ADGRV1: variants seen among roughly 807,000 people sequenced by gnomAD.
ADGRV1 encodes adhesion G protein-coupled receptor V1.
Under a neutral mutation model 596.2 loss-of-function variants are expected in ADGRV1, and 359 were observed. That is an observed-to-expected ratio of 0.60 (90% CI 0.55 to 0.66). The LOEUF is 0.66. ADGRV1 is among the 30% of genes least tolerant of loss of function. The pLI, the probability that ADGRV1 is intolerant of heterozygous loss-of-function variation, is 0.00. For missense variants in ADGRV1, 7,274 were observed against 7,575.6 expected (o/e 0.96, Z 1.48); for synonymous variants, 2,681 against 2,679.2 (o/e 1.00, Z -0.02).
intron 69 of ADGRV1, among the ~76,000 whole-genome samples, chr5:90,790,412 A>G (rs1264963853): frequency 2.0e-5 from 3 of 152,210 alleles, no homozygotes; most frequent in East Asian, 3.8e-4. Flanking sequence ...TCTTCAGTTG[A>G]CACTTCATAG....
chr5:90,799,375 G>A (rs184132896), intron 70 of ADGRV1, among the ~76,000 whole-genome samples: 1 of 152,300 alleles, frequency 6.6e-6, no homozygotes, highest in African/African-American at 2.4e-5. Context: ...TACAAGGGAT[G>A]TGAAGGACCT....
chr5:91,082,956 A>ATACTTTAATTACATGAATCAACTGG (rs1789534018), intron 86 of ADGRV1, among the ~76,000 whole-genome samples: 1 of 152,352 alleles, frequency 6.6e-6, no homozygotes, highest in East Asian at 1.9e-4. Flanking sequence ...TTGTATGATC[A>ATACTTTAATTACATGAATCAACTGG]TACTTTAATT....
intron 83 of ADGRV1, among the ~76,000 whole-genome samples, chr5:90,865,836 C>T (rs1437385210): frequency 6.6e-6 from 1 of 152,036 alleles, no homozygotes; most frequent in Non-Finnish European, 1.5e-5. Context: ...GGGCTCCCAC[C>T]CTATCTAAAT....
chr5:90,767,043 G>A (rs1757219450), intron 59 of ADGRV1, among the ~76,000 whole-genome samples: 1 of 152,174 alleles, frequency 6.6e-6, no homozygotes, highest in South Asian at 2.1e-4. Flanking sequence ...TTTTCTGGAA[G>A]GGAGGATGGG....
At chr5:90,886,341 G>A (rs552618895) in intron 83 of ADGRV1, among the ~76,000 whole-genome samples, 1 of 152,152 alleles carries the variant, frequency 6.6e-6, no homozygotes, top group Non-Finnish European at 1.5e-5. Flanking sequence ...GCTAGAGGTT[G>A]TCAGCTCACT....
chr5:90,658,162 G>A lies in ADGRV1; in HGVS notation c.4636G>A (p.Val1546Ile), dbSNP rs772848807. The A allele has an allele frequency of 5.6e-6, 9 of 1,611,740 alleles. No individual in the cohort carries two copies. In the East Asian group the frequency reaches 6.7e-5, roughly 12 times the overall value. Residue 1546 changes from valine (V) to isoleucine (I), a missense_variant, in exon 21 of 90, where the codon GTT becomes ATT. This residue lies in a region of ADGRV1 where 3,643 missense variants were observed against 3,809.2 expected (regional missense o/e 0.96). Coordinates refer to ENST00000405460, the MANE Select transcript of ADGRV1 (RefSeq NM_032119.4). ...AGAAGAATTATTCATTCTTAAACTAGTTTCTGTATATGGAGGAGCTCGTAT... is the reference window on the plus strand; with the variant it reads ...AGAAGAATTATTCATTCTTAAACTAATTTCTGTATATGGAGGAGCTCGTAT... ...EGEELFILKL[V>I]SVYGGARISE...
At position 90,704,151 on chromosome 5, in the gene ADGRV1, A is replaced by G. The variant is rs10942606; in HGVS notation, c.8287-238A>G. On this transcript the variant is annotated intron_variant, in intron 35 of 89. Transcript: ENST00000405460. ...TTCCAATAGTGTTACATTGCTCAAT[A>G]AATAAGATTTATGTTCATTAGCTCA... Among the ~76,000 whole-genome samples the G allele has an allele frequency of 0.74, 111,617 of 151,708 alleles. 42,041 individuals are homozygous for G. The highest frequency in any genetic ancestry group is 0.89 in the African/African-American group (37,063 of 41,434).
intron 55 of ADGRV1, among the ~76,000 whole-genome samples, chr5:90,755,795 A>G (rs1382316488): frequency 6.7e-6 from 1 of 148,668 alleles, no homozygotes; most frequent in Non-Finnish European, 1.5e-5. Context: ...TTTATATTAT[A>G]TAAATAGTAT....
At chr5:90,686,080 A>G in intron 29 of ADGRV1, 85 bp downstream of exon 29, 1 of 770,584 alleles carries the variant, frequency 1.3e-6, no homozygotes, top group Non-Finnish European at 1.8e-6. Context: ...CAGCCTCTCA[A>G]AGTTGCAATT....
intron 82 of ADGRV1, among the ~76,000 whole-genome samples, chr5:90,862,196 A>G (rs539699327): frequency 1.8e-4 from 27 of 152,334 alleles, no homozygotes; most frequent in African/African-American, 6.3e-4. Context: ...TGTGCACTAG[A>G]AAAAAGTTGA....
chr5:90,981,307 G>A (rs115083075), intron 84 of ADGRV1, among the ~76,000 whole-genome samples: 3,251 of 152,232 alleles, frequency 0.021, 93 homozygotes, highest in South Asian at 0.13. Context: ...TTCTCCAAAC[G>A]AAGCAATCAG....
chr5:91,131,519 C>T (rs865953211), intron 87 of ADGRV1, among the ~76,000 whole-genome samples: 4 of 150,920 alleles, frequency 2.7e-5, no homozygotes, highest in Middle Eastern at 3.4e-3. Flanking sequence ...GGCATGATCT[C>T]GGCTCACTGT....
intron 5 of ADGRV1, among the ~76,000 whole-genome samples, chr5:90,623,060 G>A (rs191082699): frequency 3.3e-5 from 5 of 152,260 alleles, no homozygotes; most frequent in African/African-American, 4.8e-5. Context: ...CTTTAAATGC[G>A]AACACTGGGG....
At chr5:91,115,107 C>T (rs1792735574) in intron 87 of ADGRV1, among the ~76,000 whole-genome samples, 1 of 152,160 alleles carries the variant, frequency 6.6e-6, no homozygotes, top group African/African-American at 2.4e-5. Flanking sequence ...GTTTTGAATA[C>T]TCTCTGATGC....
At chr5:90,842,314 A>G (rs575936433) in intron 78 of ADGRV1, among the ~76,000 whole-genome samples, 1 of 152,360 alleles carries the variant, frequency 6.6e-6, no homozygotes, top group South Asian at 2.1e-4. Flanking sequence ...AATGTAATTA[A>G]CTTTTTTTGA....
rs899307112 is a variant in ADGRV1, at chr5:90,853,603, G to A, written c.17454+70G>A. 4.2e-6 allele frequency: 6 copies of A among 1,441,870 alleles called. No homozygotes were observed. In the East Asian group the frequency reaches 1.4e-4, roughly 34 times the overall value. The allele number at this position is 1,441,870 out of a possible 1,614,324, so 89.3% of individuals were successfully genotyped here. ...TTTCTTTAGCAGGCACACTTGGAATGCATTTGTTTGATCACAGTTTTGGTA... is the reference window on the plus strand; with the variant it reads ...TTTCTTTAGCAGGCACACTTGGAATACATTTGTTTGATCACAGTTTTGGTA... On this transcript the variant is annotated intron_variant, in intron 80 of 89. Coordinates refer to ENST00000405460, the MANE Select transcript of ADGRV1 (RefSeq NM_032119.4).
chr5:90,853,806 A>G (rs911862930), intron 80 of ADGRV1, among the ~76,000 whole-genome samples: 1 of 152,200 alleles, frequency 6.6e-6, no homozygotes, highest in Non-Finnish European at 1.5e-5. Context: ...TACGTACTTA[A>G]CTTTTAATGA....
intron 89 of ADGRV1, among the ~76,000 whole-genome samples, chr5:91,163,498 G>A (rs1003274408): frequency 2.0e-5 from 3 of 152,076 alleles, no homozygotes; most frequent in African/African-American, 7.2e-5. Flanking sequence ...ATTATATTGT[G>A]GTAGTAGGTT....
Position 90,829,136 on chromosome 5 carries a change from G to T in ADGRV1, c.16561G>T (p.Ala5521Ser), listed in dbSNP as rs897217068. The T allele has an allele frequency of 6.2e-7, 1 of 1,601,322 alleles. No homozygotes were observed. The highest frequency in any genetic ancestry group is 1.1e-5 in the South Asian group (1 of 88,838). The change falls in exon 77 of 90, where the codon GCC (alanine) becomes TCC (serine). Residue 5521 changes from alanine (A) to serine (S), a missense_variant. By Grantham distance (99) the Ala-to-Ser change is moderately conservative. Transcript: ENST00000405460. ...GGCCACTTTAATCAGTCTGCAGGTGGCCAGAGATTCTGGGACAGGACTAAT... is the reference window on the plus strand; with the variant it reads ...GGCCACTTTAATCAGTCTGCAGGTGTCCAGAGATTCTGGGACAGGACTAAT... ...KKATLISLQVARDSGTGLMMS... is the reference protein window; with the variant it reads ...KKATLISLQVSRDSGTGLMMS...
Sources: gnomAD v4.1 joint callset for allele counts (sites outside exome capture counted in the v4.1 genomes callset) on GRCh38, gnomAD v4.1.1 for gene constraint, gnomAD v4.1.1 regional missense constraint, MANE v1.5 for transcripts, NCBI Gene and HGNC (gene_info 2026-07-23, HGNC 2026-07-21) for gene names.